Variants in DPP6 observed in about 807,000 individuals in gnomAD.
The protein encoded by DPP6 is A-type potassium channel modulatory protein DPP6.
A neutral mutation model predicts 122.6 loss-of-function variants in DPP6; 69 were observed. The ratio of observed to expected loss-of-function variants is 0.56; its 90% CI spans 0.46 to 0.69. DPP6 has a LOEUF of 0.69. Ranked by LOEUF, DPP6 falls within the 30% of genes least tolerant of loss-of-function variation. DPP6 has a pLI of 0.00. For missense variants in DPP6, 928 were observed against 1,116.9 expected (o/e 0.83, Z 2.41); for synonymous variants, 418 against 433.1 (o/e 0.97, Z 0.43).
intron 3 of DPP6, among the ~76,000 whole-genome samples, chr7:154,482,718 A>G (rs2151372990): frequency 6.6e-6 from 1 of 152,304 alleles, no homozygotes; most frequent in South Asian, 2.1e-4. Flanking sequence ...AATGTGCCTT[A>G]ATTTGCGCCA....
the DPP6 span, among the ~76,000 whole-genome samples, chr7:153,839,800 C>G: frequency 6.6e-6 from 1 of 152,194 alleles, no homozygotes; most frequent in African/African-American, 2.4e-5. Flanking sequence ...GAACCGCCCC[C>G]CTGTTTCTGA....
intron 5 of DPP6, among the ~76,000 whole-genome samples, chr7:154,580,084 C>A (rs775594073): frequency 6.6e-6 from 1 of 151,670 alleles, no homozygotes; most frequent in Non-Finnish European, 1.5e-5. Flanking sequence ...TAGGATGTAG[C>A]GGTGAATAAC....
intron 8 of DPP6, among the ~76,000 whole-genome samples, chr7:154,762,409 G>A (rs1371729526): frequency 6.6e-6 from 1 of 152,224 alleles, no homozygotes; most frequent in Non-Finnish European, 1.5e-5. Flanking sequence ...TGACTTCATA[G>A]AGAAAGGGCA....
intron 1 of DPP6, among the ~76,000 whole-genome samples, chr7:153,972,756 C>CG (rs1563063608): frequency 1.4e-5 from 2 of 145,288 alleles, no homozygotes; most frequent in African/African-American, 2.5e-5. Flanking sequence ...TAAATTGCAA[C>CG]TTTTTTTTTT....
At chr7:153,922,220 G>C (rs1305864925) in intron 1 of DPP6, among the ~76,000 whole-genome samples, 1 of 152,182 alleles carries the variant, frequency 6.6e-6, no homozygotes, top group African/African-American at 2.4e-5. Context: ...AGAATAATTG[G>C]CTGGGTGAGG....
chr7:154,478,685 T>G (rs1403630224), intron 3 of DPP6, among the ~76,000 whole-genome samples: 1 of 152,176 alleles, frequency 6.6e-6, no homozygotes, highest in Non-Finnish European at 1.5e-5. Context: ...AAATTCTGAT[T>G]TGAACCTAGG....
At chr7:154,454,692 C>CT in intron 2 of DPP6, among the ~76,000 whole-genome samples, 1 of 152,252 alleles carries the variant, frequency 6.6e-6, no homozygotes, top group South Asian at 2.1e-4. Context: ...AGACTGAACT[C>CT]TAACTTCTCA....
intron 3 of DPP6, among the ~76,000 whole-genome samples, chr7:154,534,460 C>T (rs911176870): frequency 6.6e-6 from 1 of 152,134 alleles, no homozygotes; most frequent in African/African-American, 2.4e-5. Context: ...ATTTGCATAA[C>T]ATGATTGTGT....
intron 3 of DPP6, among the ~76,000 whole-genome samples, chr7:154,487,400 C>T (rs971641280): frequency 4.6e-5 from 7 of 152,270 alleles, no homozygotes; most frequent in Non-Finnish European, 8.8e-5. Context: ...TGACAGGATA[C>T]GCCGTGCAGC....
chr7:154,064,114 G>T (rs6464382), intron 1 of DPP6, among the ~76,000 whole-genome samples: 95,411 of 151,912 alleles, frequency 0.63, 30,318 homozygotes, highest in African/African-American at 0.71. Context: ...AGGACAAACA[G>T]AGCCCTGCTG....
At chr7:154,218,691 C>T (rs186230692) in intron 1 of DPP6, among the ~76,000 whole-genome samples, 44 of 152,256 alleles carry the variant, frequency 2.9e-4, no homozygotes, top group African/African-American at 7.0e-4. Flanking sequence ...TGTTTACATG[C>T]GGACATATAA....
At chr7:154,501,987 A>G (rs1825293163) in intron 3 of DPP6, among the ~76,000 whole-genome samples, 1 of 152,168 alleles carries the variant, frequency 6.6e-6, no homozygotes, top group Non-Finnish European at 1.5e-5. Context: ...TCTTGCATCA[A>G]CATGACCGAA....
At chr7:153,958,581 G>T (rs1186407891) in intron 1 of DPP6, among the ~76,000 whole-genome samples, 5 of 152,100 alleles carry the variant, frequency 3.3e-5, no homozygotes, top group African/African-American at 7.2e-5. Context: ...TGCATATACT[G>T]GGTACACTGA....
intron 17 of DPP6, among the ~76,000 whole-genome samples, chr7:154,859,821 C>T (rs1803200005): frequency 6.6e-6 from 1 of 152,180 alleles, no homozygotes; most frequent in African/African-American, 2.4e-5. Context: ...AAGGCAGGCC[C>T]ACTTAGAGAC....
intron 1 of DPP6, among the ~76,000 whole-genome samples, chr7:153,984,074 A>G (rs1193913552): frequency 1.3e-5 from 2 of 151,046 alleles, no homozygotes; most frequent in Non-Finnish European, 3.0e-5. Context: ...ACACACACAC[A>G]CACACACACA....
intron 5 of DPP6, among the ~76,000 whole-genome samples, chr7:154,621,829 C>T (rs1218126543): frequency 2.6e-5 from 4 of 152,174 alleles, no homozygotes; most frequent in Non-Finnish European, 1.5e-5. Context: ...GGCACTTCAA[C>T]CTGCTGGCAA....
chr7:154,036,034 G>GCT (rs1563120696), intron 1 of DPP6, among the ~76,000 whole-genome samples: 1 of 140,254 alleles, frequency 7.1e-6, no homozygotes, highest in African/African-American at 2.6e-5. Context: ...GTGTGTGTGT[G>GCT]TGTGTGTGTG....
chr7:154,575,436 T>C (rs1831553782), intron 5 of DPP6, among the ~76,000 whole-genome samples: 1 of 120,260 alleles, frequency 8.3e-6, no homozygotes, highest in African/African-American at 3.5e-5. Context: ...GGTGTGTATG[T>C]GTGTGGTGTG....
intron 5 of DPP6, among the ~76,000 whole-genome samples, chr7:154,602,750 CTTT>C (rs199615219): frequency 3.7e-4 from 34 of 90,904 alleles, no homozygotes; most frequent in Admixed American, 6.8e-4. Flanking sequence ...ATTCTTAATC[CTTT>C]TTTTTTTTTT....
Sources: allele counts gnomAD v4.1 joint callset (sites outside exome capture counted in the v4.1 genomes callset), GRCh38; gene constraint gnomAD v4.1.1; transcripts MANE v1.5; gene names NCBI Gene and HGNC (gene_info 2026-07-23, HGNC 2026-07-21).